PCNX2: variants seen among roughly 807,000 people sequenced by gnomAD.
The protein encoded by PCNX2 is pecanex 2.
Under a neutral mutation model 223.8 loss-of-function variants are expected in PCNX2, and 168 were observed. The observed-to-expected ratio is 0.75, with a 90% CI of 0.66 to 0.85. The LOEUF is 0.85. Ranked by LOEUF, PCNX2 falls within the 40% of genes least tolerant of loss-of-function variation. The pLI, the probability that PCNX2 is intolerant of heterozygous loss-of-function variation, is 0.00. For synonymous variants in PCNX2, 1,006 were observed against 1,052.6 expected (o/e 0.96, Z 0.86); for missense variants, 2,507 against 2,675.5 (o/e 0.94, Z 1.39).
intron 21 of PCNX2, among the ~76,000 whole-genome samples, chr1:233,127,469 T>C (rs111705969): frequency 0.011 from 1,728 of 152,274 alleles, 28 homozygotes; most frequent in African/African-American, 0.04. Context: ...TATTTGGTTC[T>C]CTCAGGTTAG....
Position 232,984,108 on chromosome 1 carries a change from A to ATT in PCNX2, c.*194_*195dup, listed in dbSNP as rs373209360. On this transcript the variant is annotated 3_prime_UTR_variant, in exon 34 of 34. Transcript: ENST00000258229. ...GAGGTTTTTTTGTTGTTGTTGTTTG[A>ATT]TTTTTTTTTTTTTTTTTTTTTTTTT... 2.1e-4 allele frequency: 29 copies of ATT among 135,158 alleles called. No homozygotes were observed. The highest frequency in any genetic ancestry group is 6.5e-4 in the African/African-American group (10 of 15,460). 8.4% of individuals were successfully genotyped at this position (135,158 alleles called of 1,614,324 possible). A position where few individuals can be genotyped will look rare whatever the true frequency, so the allele number is the denominator to read the frequency against.
chr1:233,009,173 T>G (rs138528620), intron 28 of PCNX2, among the ~76,000 whole-genome samples: 34 of 152,286 alleles, frequency 2.2e-4, no homozygotes, highest in African/African-American at 7.9e-4. Flanking sequence ...TCTCATGCCT[T>G]CAGAGAAGAC....
intron 26 of PCNX2, among the ~76,000 whole-genome samples, chr1:233,018,574 C>T (rs907949616): frequency 3.9e-5 from 6 of 152,140 alleles, no homozygotes; most frequent in African/African-American, 1.4e-4. Flanking sequence ...ATCAAAAAGG[C>T]TAGCACCTGG....
At chr1:233,215,820 C>T (rs1243234230) in intron 12 of PCNX2, among the ~76,000 whole-genome samples, 1 of 152,190 alleles carries the variant, frequency 6.6e-6, no homozygotes, top group Non-Finnish European at 1.5e-5. Flanking sequence ...ATAATCACAA[C>T]AATACATCTC....
At position 233,224,956 on chromosome 1, in the gene PCNX2, G is replaced by T. The variant is rs560357844; in HGVS notation, c.2504+2270C>A. On this transcript the variant is annotated intron_variant, in intron 10 of 33. Coordinates refer to ENST00000258229, the MANE Select transcript of PCNX2 (RefSeq NM_014801.4). ...ACACACCGGGGCCTGTCAGGGTTTG[G>T]GGGGCAAGGGGAGGGAGAGCATCAG... 2.1e-4 allele frequency among the ~76,000 whole-genome samples: 32 copies of T among 151,922 alleles called. 1 individual carries two copies. Among genetic ancestry groups the T allele is most frequent in the Admixed American group, 1.4e-3 (22 of 15,266 alleles).
chr1:233,029,398 T>C (rs1032687688), intron 25 of PCNX2, among the ~76,000 whole-genome samples: 25 of 152,330 alleles, frequency 1.6e-4, no homozygotes, highest in Admixed American at 1.3e-3. Flanking sequence ...AACCCAAATA[T>C]ACATTCTTAT....
At chr1:233,304,807 GA>G in the PCNX2 span, among the ~76,000 whole-genome samples, 2 of 152,150 alleles carry the variant, frequency 1.3e-5, no homozygotes, top group African/African-American at 4.8e-5. Flanking sequence ...TCCCCCAAAT[GA>G]CAGGTCTGCT....
intron 9 of PCNX2, among the ~76,000 whole-genome samples, chr1:233,230,407 G>T (rs1038371328): frequency 5.9e-5 from 9 of 151,680 alleles, no homozygotes; most frequent in Admixed American, 5.9e-4. Context: ...TCTAAATAAT[G>T]AAAAAAAATG....
chr1:233,189,873 G>A (rs778566735), intron 15 of PCNX2, among the ~76,000 whole-genome samples: 2 of 152,168 alleles, frequency 1.3e-5, no homozygotes, highest in Non-Finnish European at 2.9e-5. Context: ...ATTTCTCCGA[G>A]GAGCAAATAT....
chr1:233,177,724 T>C, intron 17 of PCNX2, 78 bp downstream of exon 17: 2 of 1,260,084 alleles, frequency 1.6e-6, no homozygotes, highest in Non-Finnish European at 2.3e-6. Flanking sequence ...TCCACCTGCC[T>C]AGAGCTCCAT....
chr1:233,106,077 T>C (rs1392053547), intron 21 of PCNX2, among the ~76,000 whole-genome samples: 1 of 152,136 alleles, frequency 6.6e-6, no homozygotes, highest in Non-Finnish European at 1.5e-5. Context: ...CAGGAGATAA[T>C]GACAGTGACT....
chr1:233,157,490 C>T (rs1678198868), intron 19 of PCNX2, among the ~76,000 whole-genome samples: 1 of 152,180 alleles, frequency 6.6e-6, no homozygotes, highest in Non-Finnish European at 1.5e-5. Flanking sequence ...TGATGTCTGC[C>T]CTGGAACCAC....
intron 21 of PCNX2, among the ~76,000 whole-genome samples, chr1:233,115,828 T>G (rs1454986554): frequency 1.3e-5 from 2 of 152,118 alleles, no homozygotes; most frequent in African/African-American, 4.8e-5. Flanking sequence ...AATGATTACA[T>G]TAAATGAAAT....
chr1:233,150,074 A>G (rs1445554863), intron 19 of PCNX2, among the ~76,000 whole-genome samples: 1 of 152,084 alleles, frequency 6.6e-6, no homozygotes, highest in African/African-American at 2.4e-5. Flanking sequence ...ATCTCTCCAG[A>G]GGGCTGCAGC....
Position 233,238,909 on chromosome 1 carries a change from C to T in PCNX2, c.2223-1929G>A, listed in dbSNP as rs542530837. 1.8e-4 allele frequency among the ~76,000 whole-genome samples: 28 copies of T among 152,218 alleles called. No individual in the cohort carries two copies. The South Asian group carries it at 2.7e-3, about 15-fold the overall frequency. ...TGTTTGCTCCTAAAATAATGCTTTT[C>T]CTTCTTGTCTATATTAGTGGCATAA... On this transcript the variant is annotated intron_variant, in intron 8 of 33. Coordinates refer to ENST00000258229, the MANE Select transcript of PCNX2 (RefSeq NM_014801.4).
At chr1:233,187,804 C>T (rs746930723) in intron 15 of PCNX2, among the ~76,000 whole-genome samples, 1 of 152,140 alleles carries the variant, frequency 6.6e-6, no homozygotes, top group Non-Finnish European at 1.5e-5. Flanking sequence ...GCAGCAGATA[C>T]TTCCTTGCAA....
At position 233,016,914 on chromosome 1, in the gene PCNX2, G is replaced by GACCT; in HGVS notation, c.4839+3_4839+6dup. On this transcript the variant is annotated splice_region_variant and intron_variant, in intron 27 of 33. Transcript: ENST00000258229. Reference sequence around the variant, plus strand: ...TCCATGCCTCAGCCCCCACCTCCCTGACCTACCTCTTGTCTTTTCCGTGCA... The same window carrying GACCT: ...TCCATGCCTCAGCCCCCACCTCCCTGACCTACCTACCTCTTGTCTTTTCCGTGCA... The GACCT allele has an allele frequency of 1.3e-6, 2 of 1,594,448 alleles. No homozygotes were observed. Among genetic ancestry groups the GACCT allele is most frequent in the Non-Finnish European group, 1.7e-6 (2 of 1,163,220 alleles).
chr1:233,325,762 T>A, the PCNX2 span, among the ~76,000 whole-genome samples: 1 of 152,192 alleles, frequency 6.6e-6, no homozygotes, highest in Admixed American at 6.5e-5. Flanking sequence ...GAGGAGATGC[T>A]ATGAACATTT....
At chr1:233,247,891 A>AAG (rs1553322426) in intron 8 of PCNX2, among the ~76,000 whole-genome samples, 16 of 150,302 alleles carry the variant, frequency 1.1e-4, no homozygotes, top group Admixed American at 4.0e-4. Flanking sequence ...AAAAAAAAAA[A>AAG]AAAAGTGCTG....
Sources: allele counts gnomAD v4.1 joint callset (sites outside exome capture counted in the v4.1 genomes callset), GRCh38; gene constraint gnomAD v4.1.1; transcripts MANE v1.5; gene names NCBI Gene and HGNC (gene_info 2026-07-23, HGNC 2026-07-21).